PTPRN2: variants seen among roughly 807,000 people sequenced by gnomAD.
PTPRN2 encodes receptor-type tyrosine-protein phosphatase N2.
A neutral mutation model predicts 118.8 loss-of-function variants in PTPRN2; 74 were observed. That is an observed-to-expected ratio of 0.62 (90% CI 0.52 to 0.76). The LOEUF (loss-of-function observed/expected upper bound fraction) is 0.76, where lower values mean the gene tolerates loss of function less well. Ranked by LOEUF, PTPRN2 falls within the 30% of genes least tolerant of loss-of-function variation. PTPRN2 has a pLI of 0.00. For synonymous variants in PTPRN2, 641 were observed against 608.0 expected (o/e 1.05, Z -0.80); for missense variants, 1,481 against 1,394.4 (o/e 1.06, Z -0.99).
intron 11 of PTPRN2, among the ~76,000 whole-genome samples, chr7:158,050,014 C>T (rs957952556): frequency 2.0e-5 from 3 of 152,134 alleles, no homozygotes; most frequent in Admixed American, 6.5e-5. Context: ...ATGATGCAGG[C>T]ACACATTAAT....
rs371528388 is a variant in PTPRN2 at position 158,368,839 on chromosome 7, C to A, written c.164-51907G>T. 7.2e-4 allele frequency among the ~76,000 whole-genome samples: 110 copies of A among 152,292 alleles called. 1 individual carries two copies. Among genetic ancestry groups the A allele is most frequent in the African/African-American group, 2.6e-3 (107 of 41,564 alleles). On this transcript the variant is annotated intron_variant, in intron 2 of 22. Coordinates refer to ENST00000389418, the MANE Select transcript of PTPRN2 (RefSeq NM_002847.5). The stretch of plus-strand genomic sequence containing the variant: ...GCTCTGCCAGACAGAGGTGAAGAGG[C>A]AGGAATTGTGTGGGGTCCAGAGGAA...
At chr7:158,461,329 A>C (rs560519207) in intron 2 of PTPRN2, among the ~76,000 whole-genome samples, 1 of 152,236 alleles carries the variant, frequency 6.6e-6, no homozygotes, top group South Asian at 2.1e-4. Flanking sequence ...CCCCGTCTCT[A>C]CTAAAAATAC....
chr7:158,307,519 A>T (rs567445854), intron 3 of PTPRN2, among the ~76,000 whole-genome samples: 1 of 152,210 alleles, frequency 6.6e-6, no homozygotes, highest in Non-Finnish European at 1.5e-5. Context: ...AGAATATTTG[A>T]AGAAATAATG....
chr7:157,680,415 T>C (rs1039695945), intron 13 of PTPRN2, among the ~76,000 whole-genome samples: 10 of 152,270 alleles, frequency 6.6e-5, no homozygotes, highest in African/African-American at 2.2e-4. Context: ...CACAGGGGAC[T>C]CATGGCTGTG....
chr7:157,636,628 T>C (rs1471178939), intron 14 of PTPRN2, among the ~76,000 whole-genome samples: 2 of 152,272 alleles, frequency 1.3e-5, no homozygotes, highest in Non-Finnish European at 2.9e-5. Context: ...ATTCCTGAAA[T>C]GGCTATTTAT....
chr7:158,270,852 GCCCCCCCACCTGGACC>G (rs1798360267), intron 3 of PTPRN2, among the ~76,000 whole-genome samples: 2 of 8,064 alleles, frequency 2.5e-4, no homozygotes, highest in Non-Finnish European at 4.3e-4. Context: ...CACCTGGACC[GCCCCCCCACCTGGACC>G]GCCCCCTCCA....
intron 11 of PTPRN2, among the ~76,000 whole-genome samples, chr7:158,020,024 C>A (rs1283766863): frequency 6.6e-6 from 1 of 152,218 alleles, no homozygotes; most frequent in Non-Finnish European, 1.5e-5. Context: ...AGATTCAATG[C>A]CCAGCCCTGA....
At chr7:158,442,796 A>G (rs1157007881) in intron 2 of PTPRN2, among the ~76,000 whole-genome samples, 1 of 152,182 alleles carries the variant, frequency 6.6e-6, no homozygotes, top group Non-Finnish European at 1.5e-5. Flanking sequence ...TGAAAAAGGC[A>G]CGGAAGGGAA....
At chr7:158,052,472 G>T (rs902735603) in intron 11 of PTPRN2, among the ~76,000 whole-genome samples, 8 of 152,242 alleles carry the variant, frequency 5.3e-5, no homozygotes, top group African/African-American at 1.9e-4. Context: ...AAGAGCATCA[G>T]CACCAAAGGC....
At position 158,498,407 on chromosome 7, in the gene PTPRN2, ATTGT is replaced by A. The variant is rs149923913; in HGVS notation, c.113-8626_113-8623del. 4.3e-3 allele frequency among the ~76,000 whole-genome samples: 650 copies of A among 152,292 alleles called. 4 individuals carry two copies. Among genetic ancestry groups the A allele is most frequent in the African/African-American group, 0.015 (629 of 41,542 alleles). ...TACCAAATTCAGGATACCTACCAGA[ATTGT>A]TTGTTTTATTTTTAAAGTCCAGGAG... is the stretch of plus-strand genomic sequence containing the variant. On this transcript the variant is annotated intron_variant, in intron 1 of 22. Coordinates refer to ENST00000389418, the MANE Select transcript of PTPRN2 (RefSeq NM_002847.5).
intron 3 of PTPRN2, among the ~76,000 whole-genome samples, chr7:158,239,571 C>G (rs1309118051): frequency 6.6e-6 from 1 of 152,200 alleles, no homozygotes; most frequent in East Asian, 1.9e-4. Flanking sequence ...TTGTCTGCAT[C>G]CCTGCGGCCC....
intron 12 of PTPRN2, among the ~76,000 whole-genome samples, chr7:157,803,507 G>T (rs1009262680): frequency 2.6e-5 from 4 of 152,152 alleles, no homozygotes; most frequent in African/African-American, 4.8e-5. Context: ...AGAAACCTTT[G>T]CCTAGATGAA....
rs557617528 is a variant in PTPRN2 at position 158,332,048 on chromosome 7, A to C, written c.164-15116T>G. ...TCACTGACACCCACACTCTAACGAT[A>C]AGAGGTGACATCTGCAGACGACACT... On this transcript the variant is annotated intron_variant, in intron 2 of 22. Coordinates refer to ENST00000389418, the MANE Select transcript of PTPRN2 (RefSeq NM_002847.5). Among the ~76,000 whole-genome samples, 5 of 150,700 alleles carry C rather than the reference A, an allele frequency of 3.3e-5. No homozygotes were observed. The South Asian group carries it at 8.3e-4, about 25-fold the overall frequency.
Position 158,361,169 on chromosome 7 carries a change from T to A in PTPRN2, c.164-44237A>T, listed in dbSNP as rs529388257. Among the ~76,000 whole-genome samples the A allele has an allele frequency of 0.011, 83 of 7,612 alleles. 38 individuals are homozygous for A. In the South Asian group the frequency reaches 0.19, roughly 18 times the overall value. 5.0% of individuals were successfully genotyped at this position (7,612 alleles called of 152,430 possible). A position where few individuals can be genotyped will look rare whatever the true frequency, so the allele number is the denominator to read the frequency against. On this transcript the variant is annotated intron_variant, in intron 2 of 22. Transcript: ENST00000389418. ...TGACCCACAGACCCTGCATCCACCCTCACCCAGGATGATGCGCAGACCCCA... is the reference window on the plus strand; with the variant it reads ...TGACCCACAGACCCTGCATCCACCCACACCCAGGATGATGCGCAGACCCCA...
At chr7:158,226,032 T>C (rs1828744142) in intron 3 of PTPRN2, among the ~76,000 whole-genome samples, 2 of 152,172 alleles carry the variant, frequency 1.3e-5, no homozygotes, top group African/African-American at 4.8e-5. Context: ...CATCCAACTG[T>C]GTCCCAGAAG....
chr7:157,571,675 C>T (rs1046455469), intron 19 of PTPRN2, among the ~76,000 whole-genome samples, 182 bp from the exon 20 acceptor site: 12 of 152,198 alleles, frequency 7.9e-5, no homozygotes, highest in Admixed American at 2.0e-4. Flanking sequence ...CTCAACATGA[C>T]GTTATTAATC....
intron 3 of PTPRN2, among the ~76,000 whole-genome samples, chr7:158,208,244 T>C (rs1827314012): frequency 6.6e-6 from 1 of 152,106 alleles, no homozygotes; most frequent in Non-Finnish European, 1.5e-5. Context: ...GAAAGGATAA[T>C]AATGAGAACT....
At chr7:158,489,482 G>A (rs973806547) in intron 2 of PTPRN2, among the ~76,000 whole-genome samples, 23 of 152,310 alleles carry the variant, frequency 1.5e-4, no homozygotes, top group African/African-American at 5.5e-4. Context: ...AAAACTTGCC[G>A]AAGGACAGAG....
intron 3 of PTPRN2, among the ~76,000 whole-genome samples, chr7:158,254,996 G>C (rs528595834): frequency 6.6e-6 from 1 of 152,352 alleles, no homozygotes; most frequent in African/African-American, 2.4e-5. Context: ...AGAAATTCAT[G>C]TCCCTCCCCT....
Sources: gnomAD v4.1 joint callset for allele counts (sites outside exome capture counted in the v4.1 genomes callset) on GRCh38, gnomAD v4.1.1 for gene constraint, MANE v1.5 for transcripts, NCBI Gene and HGNC (gene_info 2026-07-23, HGNC 2026-07-21) for gene names.